The following PAMR1 variants were observed in gnomAD, a reference collection of about 807,000 sequenced individuals.
PAMR1 encodes peptidase domain containing associated with muscle regeneration 1.
PAMR1 carries 88 observed loss-of-function variants against 81.8 expected under a neutral mutation model. The observed-to-expected ratio is 1.08, with a 90% CI of 0.91 to 1.28. The LOEUF (loss-of-function observed/expected upper bound fraction) is 1.28, where lower values mean the gene tolerates loss of function less well. Among genes scored for constraint, PAMR1 ranks in the 50% most tolerant of loss-of-function variants. The pLI is 0.00. For synonymous variants in PAMR1, 336 were observed against 345.3 expected (o/e 0.97, Z 0.30); for missense variants, 935 against 919.7 (o/e 1.02, Z -0.21).
chr11:35,516,241 T>G (rs1851160733), intron 1 of PAMR1, among the ~76,000 whole-genome samples: 1 of 152,228 alleles, frequency 6.6e-6, no homozygotes, highest in African/African-American at 2.4e-5. Flanking sequence ...ATTCAAACCC[T>G]GATCAGTGTT....
rs181489623 is a variant in PAMR1 at position 35,494,641 on chromosome 11, G to A, written c.74-369C>T. Among the ~76,000 whole-genome samples the A allele has an allele frequency of 4.3e-3, 657 of 152,236 alleles. 4 individuals carry two copies. The highest frequency in any genetic ancestry group is 0.015 in the African/African-American group (612 of 41,536). ...AGCCACCGCACCCGGCCCAGGGAGTGGTAAGACTCTTAAGTACTCTACTGC... is the reference window on the plus strand; with the variant it reads ...AGCCACCGCACCCGGCCCAGGGAGTAGTAAGACTCTTAAGTACTCTACTGC... On this transcript the variant is annotated intron_variant, in intron 1 of 10. Coordinates refer to ENST00000619888, the MANE Select transcript of PAMR1 (RefSeq NM_001001991.3).
chr11:35,470,909 C>T, intron 4 of PAMR1, 91 bp from the exon 5 acceptor site: 1 of 853,836 alleles, frequency 1.2e-6, no homozygotes, highest in Non-Finnish European at 1.9e-6. Context: ...GAGGAACAGG[C>T]CTGAGGAACA....
intron 1 of PAMR1, among the ~76,000 whole-genome samples, chr11:35,519,649 T>C (rs1227194893): frequency 6.6e-6 from 1 of 152,192 alleles, no homozygotes; most frequent in Non-Finnish European, 1.5e-5. Context: ...TTGGGTTCCA[T>C]GTGGTGCTAC....
At chr11:35,507,094 T>A (rs1760317) in intron 1 of PAMR1, among the ~76,000 whole-genome samples, 38 of 138,508 alleles carry the variant, frequency 2.7e-4, no homozygotes, top group African/African-American at 9.1e-4. Flanking sequence ...TTGCCCAGGC[T>A]GGAGTGCAAT....
At chr11:35,487,373 G>A (rs1040314504) in intron 3 of PAMR1, among the ~76,000 whole-genome samples, 1 of 151,924 alleles carries the variant, frequency 6.6e-6, no homozygotes, top group Non-Finnish European at 1.5e-5. Context: ...TGTCCCTATT[G>A]CCCCTCTACC....
intron 6 of PAMR1, among the ~76,000 whole-genome samples, chr11:35,449,972 A>G (rs1252011315): frequency 6.6e-6 from 1 of 151,906 alleles, no homozygotes; most frequent in Non-Finnish European, 1.5e-5. Context: ...CTGAAAGTGC[A>G]GGATTCACTT....
At chr11:35,506,253 T>A (rs1565357746) in intron 1 of PAMR1, among the ~76,000 whole-genome samples, 1 of 152,118 alleles carries the variant, frequency 6.6e-6, no homozygotes, top group Non-Finnish European at 1.5e-5. Context: ...ATGGCTGTAC[T>A]ATTATTGCTT....
chr11:35,488,470 C>G (rs1399912934), intron 3 of PAMR1, among the ~76,000 whole-genome samples: 1 of 151,810 alleles, frequency 6.6e-6, no homozygotes, highest in Non-Finnish European at 1.5e-5. Context: ...ACCTGACTGC[C>G]TCATCCTCCC....
chr11:35,491,996 C>T (rs779843713), intron 3 of PAMR1, 49 bp downstream of exon 3: 1 of 1,542,490 alleles, frequency 6.5e-7, no homozygotes, highest in Admixed American at 2.0e-5. Context: ...TAAGCTGAGA[C>T]TTTAAGACAG....
intron 6 of PAMR1, among the ~76,000 whole-genome samples, chr11:35,446,335 C>T (rs1856292399): frequency 6.6e-6 from 1 of 152,112 alleles, no homozygotes; most frequent in African/African-American, 2.4e-5. Context: ...TCTCTATCTC[C>T]TTCAGTTCTG....
At chr11:35,454,420 C>G (rs553743814) in intron 6 of PAMR1, among the ~76,000 whole-genome samples, 3 of 152,190 alleles carry the variant, frequency 2.0e-5, no homozygotes, top group Non-Finnish European at 4.4e-5. Context: ...ATTTATACCC[C>G]TCAGAGCCCA....
chr11:35,466,726 CAAAAAAAAAAA>C (rs71044519), intron 6 of PAMR1, among the ~76,000 whole-genome samples: 4 of 63,948 alleles, frequency 6.3e-5, no homozygotes, highest in Admixed American at 5.8e-4. Context: ...GGCTCTATCT[CAAAAAAAAAAA>C]AAAAAAAAAA....
chr11:35,467,965 C>G (rs1311074569), intron 6 of PAMR1, 36 bp downstream of exon 6: 1 of 1,320,282 alleles, frequency 7.6e-7, no homozygotes, highest in Admixed American at 2.0e-5. Context: ...CCAGCCCCAT[C>G]TGACACCTTA....
chr11:35,462,048 T>C (rs1856667677), intron 6 of PAMR1, among the ~76,000 whole-genome samples: 2 of 150,048 alleles, frequency 1.3e-5, no homozygotes, highest in South Asian at 2.1e-4. Flanking sequence ...TCCTTTTTTT[T>C]TTTCTTCTCC....
At chr11:35,451,911 T>G in intron 6 of PAMR1, 1 of 702,618 alleles carries the variant, frequency 1.4e-6, no homozygotes, top group Non-Finnish European at 2.6e-6. Flanking sequence ...TTCTGACGCC[T>G]TGATCTTGGA....
chr11:35,476,267 T>A (rs1850283315), intron 3 of PAMR1, among the ~76,000 whole-genome samples: 1 of 152,202 alleles, frequency 6.6e-6, no homozygotes, highest in African/African-American at 2.4e-5. Flanking sequence ...CATCTCCTCC[T>A]TCATCTCCTA....
chr11:35,519,615 G>C (rs567657412), intron 1 of PAMR1, among the ~76,000 whole-genome samples: 1 of 152,280 alleles, frequency 6.6e-6, no homozygotes, highest in African/African-American at 2.4e-5. Flanking sequence ...TGGCACCCCT[G>C]TTTCCTCTAG....
intron 5 of PAMR1, 31 bp downstream of exon 5, chr11:35,470,570 A>T: frequency 6.5e-7 from 1 of 1,546,410 alleles, no homozygotes; most frequent in East Asian, 2.2e-5. Flanking sequence ...AGCAAGCCAT[A>T]AAATGCCACA....
chr11:35,466,561 G>T (rs780071330), intron 6 of PAMR1, among the ~76,000 whole-genome samples: 8 of 151,824 alleles, frequency 5.3e-5, no homozygotes, highest in Non-Finnish European at 8.8e-5. Context: ...ACCCGTCTCT[G>T]TTAAAAATAC....
Sources: gnomAD v4.1 joint callset for allele counts (sites outside exome capture counted in the v4.1 genomes callset) on GRCh38, gnomAD v4.1.1 for gene constraint, MANE v1.5 for transcripts, NCBI Gene and HGNC (gene_info 2026-07-23, HGNC 2026-07-21) for gene names.